The following CCDC194 variants were observed in gnomAD, a reference collection of about 807,000 sequenced individuals.
CCDC194 encodes the protein coiled-coil domain-containing protein 194.
A neutral mutation model predicts 4.9 loss-of-function variants in CCDC194; 8 were observed. That is an observed-to-expected ratio of 1.65 (90% CI 0.97 to 2.97). The LOEUF (loss-of-function observed/expected upper bound fraction) is 2.97, where lower values mean the gene tolerates loss of function less well. Ranked by LOEUF, CCDC194 falls within the 30% of genes most tolerant of loss-of-function variation. CCDC194 has a pLI of 0.00. For synonymous variants in CCDC194, 13 were observed against 17.0 expected (o/e 0.76, Z 0.58); for missense variants, 52 against 43.1 (o/e 1.21, Z -0.58).
At chr19:17,391,446 C>T in intron 2 of CCDC194, 103 bp from the exon 3 acceptor site, 1 of 551,640 alleles carries the variant, frequency 1.8e-6, no homozygotes, top group Non-Finnish European at 3.1e-6. Flanking sequence ...TGCACGCTTT[C>T]CTTTATTTGA....
Position 17,391,545 on chromosome 19 carries a change from A to T in CCDC194, c.422-202T>A. The T allele has an allele frequency of 4.7e-6, 6 of 1,266,708 alleles. No individual in the cohort carries two copies. In the South Asian group the frequency reaches 9.1e-5, roughly 19 times the overall value. The allele number at this position is 1,266,708 out of a possible 1,614,324, so 78.5% of individuals were successfully genotyped here. ...GCATTGCTTTCGTGAGTCGTTTACA[A>T]GGAGTTTGCATGTTTTGTGGCATTT... is the stretch of plus-strand genomic sequence containing the variant. On this transcript the variant is annotated intron_variant, in intron 2 of 3. Coordinates refer to ENST00000636079, the Ensembl canonical transcript of CCDC194.
chr19:17,391,959 T>G lies in CCDC194; in HGVS notation c.325-113A>C, dbSNP rs1333852807. On this transcript the variant is annotated intron_variant, in intron 1 of 3. Transcript: ENST00000636079. ...CACCTGCGACCCTGTGTCCTGAGCT[T>G]TGTGTGGAATGTCCTTTGGGGCCTT... 3.0e-6 allele frequency: 3 copies of G among 1,001,018 alleles called. No individual in the cohort carries two copies. In the African/African-American group the frequency reaches 5.0e-5, roughly 17 times the overall value. 62.0% of individuals were successfully genotyped at this position (1,001,018 alleles called of 1,614,324 possible). A position where few individuals can be genotyped will look rare whatever the true frequency, so the allele number is the denominator to read the frequency against.
chr19:17,393,369 A>G (rs1424652535), intron 1 of CCDC194, among the ~76,000 whole-genome samples: 2 of 145,622 alleles, frequency 1.4e-5, no homozygotes, highest in African/African-American at 5.2e-5. Context: ...AGCAAAGGAC[A>G]GTGAGACTTT....
chr19:17,388,635 A>G (rs1356901917), downstream of CCDC194, among the ~76,000 whole-genome samples: 3 of 151,358 alleles, frequency 2.0e-5, no homozygotes, highest in Admixed American at 2.0e-4. Context: ...ACCTGAGCTC[A>G]AGTGATCCAC....
intron 2 of CCDC194, 89 bp from the exon 3 acceptor site, chr19:17,391,432 C>T: frequency 1.9e-6 from 1 of 538,776 alleles, no homozygotes; most frequent in Non-Finnish European, 3.2e-6. Context: ...GTCTGCATGC[C>T]GTTTGCACGC....
At chr19:17,388,799 AG>A (rs2074644556), downstream of CCDC194, among the ~76,000 whole-genome samples, 1 of 152,106 alleles carries the variant, frequency 6.6e-6, no homozygotes, top group African/African-American at 2.4e-5. Flanking sequence ...CACTGTGCCC[AG>A]CATGATTTTC....
At position 17,390,540 on chromosome 19, in the gene CCDC194, CAGCCCCCGGAGGGTCCGGAGCGAG is replaced by C. The variant is rs1308922294; in HGVS notation, c.650_673del (p.Ser217_Gly224del). The C allele has an allele frequency of 2.5e-6, 1 of 395,806 alleles. No homozygotes were observed. Among genetic ancestry groups the C allele is most frequent in the African/African-American group, 2.1e-5 (1 of 48,420 alleles). 24.5% of individuals were successfully genotyped at this position (395,806 alleles called of 1,614,324 possible). On this transcript the variant is annotated inframe_deletion, in exon 4 of 4. Coordinates refer to ENST00000636079, the Ensembl canonical transcript of CCDC194. This position sits in a 1 kb window ranked among gnomAD's most constrained non-coding sequence, Gnocchi z 5.5. The stretch of plus-strand genomic sequence containing the variant: ...TCGTGCGCGCCGCGCCGGCCGCCGG[CAGCCCCCGGAGGGTCCGGAGCGAG>C]AGCGCGAGCGAGGGCTGGGCCGGGG...
chr19:17,388,343 G>A (rs999417517), downstream of CCDC194, among the ~76,000 whole-genome samples: 5 of 151,862 alleles, frequency 3.3e-5, no homozygotes, highest in African/African-American at 1.2e-4. Flanking sequence ...GGGACCACAG[G>A]TGCATGCCAC....
upstream of CCDC194, chr19:17,394,188 G>C (rs2074666044): frequency 2.6e-6 from 1 of 389,690 alleles, no homozygotes; most frequent in Admixed American, 4.5e-5. Flanking sequence ...GCCCCAGACG[G>C]CCACGAATAT....
rs545121614 is a variant in CCDC194 at position 17,392,226 on chromosome 19, ACTTTGGG to A, written c.325-387_325-381del. On this transcript the variant is annotated intron_variant, in intron 1 of 3. Coordinates refer to ENST00000636079, the Ensembl canonical transcript of CCDC194. ...CGTGGCTCACGCCTGTAATCTCAGC[ACTTTGGG>A]AGACCGAGGCAGGCGGATCACTTGA... 28 of 161,964 alleles carry A rather than the reference ACTTTGGG, an allele frequency of 1.7e-4. No homozygotes were observed. In the South Asian group the frequency reaches 5.2e-3, roughly 30 times the overall value. 10.0% of individuals were successfully genotyped at this position (161,964 alleles called of 1,614,324 possible). A position where few individuals can be genotyped will look rare whatever the true frequency, so the allele number is the denominator to read the frequency against.
chr19:17,388,949 C>G (rs567591288), downstream of CCDC194, among the ~76,000 whole-genome samples: 3 of 152,136 alleles, frequency 2.0e-5, no homozygotes, highest in South Asian at 6.2e-4. Flanking sequence ...AGTGATCCTC[C>G]CGCCTCAGCC....
chr19:17,390,800 A>G lies in CCDC194; in HGVS notation c.555-141T>C, dbSNP rs950619003. On this transcript the variant is annotated intron_variant, in intron 3 of 3. Transcript: ENST00000636079. The surrounding 1 kb of genome is among the most constrained non-coding windows in gnomAD (Gnocchi z 5.5). ...CTCCCAGGGTTTCCCGCTCCCCAGG[A>G]TCCGGCATCCGTTCTCGACCCCCAG... 4.3e-5 allele frequency: 17 copies of G among 393,422 alleles called. No individual in the cohort carries two copies. The highest frequency in any genetic ancestry group is 3.5e-4 in the African/African-American group (17 of 48,236). 24.4% of individuals were successfully genotyped at this position (393,422 alleles called of 1,614,324 possible). A position where few individuals can be genotyped will look rare whatever the true frequency, so the allele number is the denominator to read the frequency against.
At chr19:17,391,266 C>T (rs572918329) in exon 3 of CCDC194, 65 of 409,586 alleles carry the variant, frequency 1.6e-4, no homozygotes, top group African/African-American at 1.3e-3. Flanking sequence ...TCGGCCTCCG[C>T]CACGCCTGCG....
chr19:17,387,584 G>T (rs906726344), downstream of CCDC194, among the ~76,000 whole-genome samples: 1 of 152,128 alleles, frequency 6.6e-6, no homozygotes, highest in Non-Finnish European at 1.5e-5. Flanking sequence ...GCTGAGTCTG[G>T]TGATGGGCGC....
chr19:17,393,573 G>A (rs2074663104), intron 1 of CCDC194, among the ~76,000 whole-genome samples: 1 of 151,942 alleles, frequency 6.6e-6, no homozygotes, highest in Non-Finnish European at 1.5e-5. Context: ...ATTTTTAGTA[G>A]AGACAGGGTT....
At chr19:17,387,666 T>G (rs1375337252), downstream of CCDC194, among the ~76,000 whole-genome samples, 2 of 151,616 alleles carry the variant, frequency 1.3e-5, no homozygotes, top group Admixed American at 1.3e-4. Context: ...TGCAGTGAGC[T>G]GAGACTGCGC....
At chr19:17,389,633 GCT>G (rs1418551451), downstream of CCDC194, among the ~76,000 whole-genome samples, 1 of 152,112 alleles carries the variant, frequency 6.6e-6, no homozygotes, top group East Asian at 1.9e-4. Flanking sequence ...TTGAACCATT[GCT>G]CTGTCTCAGG....
At chr19:17,388,118 C>T (rs1034636032), downstream of CCDC194, among the ~76,000 whole-genome samples, 9 of 151,544 alleles carry the variant, frequency 5.9e-5, no homozygotes, top group Admixed American at 2.6e-4. Flanking sequence ...GATCTCCTGA[C>T]CTCGTGATCC....
downstream of CCDC194, among the ~76,000 whole-genome samples, chr19:17,388,091 T>G (rs966637473): frequency 2.6e-5 from 4 of 151,876 alleles, no homozygotes; most frequent in Admixed American, 6.6e-5. Flanking sequence ...TTTCACCGTG[T>G]TAGCCAGGAT....
Sources: gnomAD v4.1 joint callset for allele counts (sites outside exome capture counted in the v4.1 genomes callset) on GRCh38, gnomAD v4.1.1 for gene constraint, Gnocchi (gnomAD v3.1) non-coding constraint, MANE v1.5 for transcripts, NCBI Gene and HGNC (gene_info 2026-07-23, HGNC 2026-07-21) for gene names.